The following ZBTB16 variants were observed in gnomAD, a reference collection of about 807,000 sequenced individuals.
The protein encoded by ZBTB16 is zinc finger and BTB domain-containing protein 16.
Under a neutral mutation model 56.8 loss-of-function variants are expected in ZBTB16, and 8 were observed. That is an observed-to-expected ratio of 0.14 (90% confidence interval 0.08 to 0.25). The LOEUF (loss-of-function observed/expected upper bound fraction) is 0.25. Ranked by LOEUF, ZBTB16 falls within the 10% of genes least tolerant of loss-of-function variation. The pLI, the probability that ZBTB16 is intolerant of heterozygous loss-of-function variation, is 1.00. For synonymous variants in ZBTB16, 363 were observed against 368.5 expected, an observed-to-expected ratio of 0.98 and a Z score of 0.17; for missense variants, 625 against 903.0, an observed-to-expected ratio of 0.69 and a Z score of 3.95.
intron 2 of ZBTB16, among the ~76,000 whole-genome samples, chr11:114,099,139 T>A (rs1354799737): frequency 6.6e-6 from 1 of 152,168 alleles, no homozygotes. Context: ...CAATGTTCTG[T>A]TTGTTAAAGC....
chr11:114,165,319 G>A (rs962055736), intron 3 of ZBTB16, among the ~76,000 whole-genome samples: 1 of 152,152 alleles, frequency 6.6e-6, no homozygotes, highest in African/African-American at 2.4e-5. Flanking sequence ...CAGGTCCCTG[G>A]ATGTTCCCCC....
chr11:114,080,152 G>T lies in ZBTB16; in HGVS notation c.1268+15584G>T, dbSNP rs77582924. Among the ~76,000 whole-genome samples, 1,145 of 152,240 alleles carry T rather than the reference G, an allele frequency of 7.5e-3. 11 individuals are homozygous for T. Among genetic ancestry groups the T allele is most frequent in the African/African-American group, 0.026 (1,074 of 41,534 alleles). ...TGGCCTGAGTTTGAATTCTGACTCT[G>T]CCTCTTTGGAAGGCTCTGGAAGGTT... is the stretch of plus-strand genomic sequence containing the variant. On this transcript the variant is annotated intron_variant, in intron 2 of 6. Transcript: ENST00000335953.
intron 2 of ZBTB16, among the ~76,000 whole-genome samples, chr11:114,094,553 A>G (rs989463643): frequency 1.8e-4 from 28 of 152,348 alleles, no homozygotes; most frequent in Admixed American, 1.8e-3. Flanking sequence ...GTGTGCAGGC[A>G]GTAGGAAGGA....
At chr11:114,213,640 A>G (rs1944038922) in intron 4 of ZBTB16, among the ~76,000 whole-genome samples, 2 of 152,360 alleles carry the variant, frequency 1.3e-5, no homozygotes, top group Admixed American at 6.5e-5. Context: ...TCCAAGATGA[A>G]CATTCCTGTG....
intron 4 of ZBTB16, chr11:114,189,236 A>G (rs1216619501): frequency 1.3e-5 from 2 of 152,240 alleles, no homozygotes; most frequent in African/African-American, 4.8e-5. Flanking sequence ...TTCAAAAAAC[A>G]TAAACAAATA....
intron 5 of ZBTB16, 27 bp from the exon 6 acceptor site, chr11:114,247,171 G>A (rs778779924): frequency 6.6e-5 from 107 of 1,614,086 alleles, no homozygotes; most frequent in Non-Finnish European, 8.4e-5. Context: ...AGAGGCAAAG[G>A]CCTGATCCAG....
intron 2 of ZBTB16, among the ~76,000 whole-genome samples, chr11:114,076,957 C>A (rs923070596): frequency 7.2e-5 from 11 of 152,148 alleles, no homozygotes; most frequent in Non-Finnish European, 1.2e-4. Context: ...TCCCCAGCAG[C>A]CAGATTCAAC....
At chr11:114,176,868 G>A (rs648181) in intron 3 of ZBTB16, among the ~76,000 whole-genome samples, 57,186 of 152,056 alleles carry the variant, frequency 0.38, 11,614 homozygotes, top group African/African-American at 0.53. Context: ...CCTTGAGCCA[G>A]TTATCTACCC....
At chr11:114,142,934 C>T (rs1941994902) in intron 2 of ZBTB16, among the ~76,000 whole-genome samples, 1 of 152,130 alleles carries the variant, frequency 6.6e-6, no homozygotes, top group Non-Finnish European at 1.5e-5. Context: ...TAGTAAAGGA[C>T]ATTTTTATGT....
At chr11:114,095,097 A>G (rs1940331355) in intron 2 of ZBTB16, among the ~76,000 whole-genome samples, 1 of 152,232 alleles carries the variant, frequency 6.6e-6, no homozygotes, top group African/African-American at 2.4e-5. Context: ...GACCAAGGCC[A>G]AGAAAAATAG....
At chr11:114,224,758 G>A (rs1419748469) in intron 4 of ZBTB16, among the ~76,000 whole-genome samples, 1 of 152,178 alleles carries the variant, frequency 6.6e-6, no homozygotes, top group Non-Finnish European at 1.5e-5. Context: ...GACACCAGAA[G>A]AGTGTGGTGT....
intron 2 of ZBTB16, among the ~76,000 whole-genome samples, chr11:114,071,818 C>T (rs1398371666): frequency 6.6e-6 from 1 of 152,176 alleles, no homozygotes; most frequent in African/African-American, 2.4e-5. Flanking sequence ...AAATTTGCTA[C>T]AACTCTTCCC....
intron 3 of ZBTB16, among the ~76,000 whole-genome samples, chr11:114,175,621 A>G (rs1591751903): frequency 2.6e-5 from 4 of 152,144 alleles, no homozygotes; most frequent in East Asian, 1.9e-4. Context: ...GACCCAAGCA[A>G]TGAAGGAATT....
At chr11:114,170,203 A>G (rs1296203886) in intron 3 of ZBTB16, among the ~76,000 whole-genome samples, 1 of 152,222 alleles carries the variant, frequency 6.6e-6, no homozygotes, top group Non-Finnish European at 1.5e-5. Context: ...ATAGGATTTG[A>G]TGGACTAAAA....
chr11:114,129,881 C>A (rs956206665), intron 2 of ZBTB16, among the ~76,000 whole-genome samples: 1 of 152,196 alleles, frequency 6.6e-6, no homozygotes, highest in South Asian at 2.1e-4. Context: ...TCCTGCGGCC[C>A]GCTTTCTATC....
At chr11:114,233,081 G>GCA (rs1198148768) in intron 4 of ZBTB16, among the ~76,000 whole-genome samples, 1,699 of 87,442 alleles carry the variant, frequency 0.019, 49 homozygotes, top group African/African-American at 0.028. Context: ...GCGCGCGCGC[G>GCA]CACACACACA....
chr11:114,149,643 A>T (rs1942235329), intron 2 of ZBTB16, among the ~76,000 whole-genome samples: 1 of 152,222 alleles, frequency 6.6e-6, no homozygotes, highest in Non-Finnish European at 1.5e-5. Context: ...ATTAATATTG[A>T]CTAGTCAGGG....
chr11:114,097,406 A>T (rs952614605), intron 2 of ZBTB16, among the ~76,000 whole-genome samples: 2 of 152,200 alleles, frequency 1.3e-5, no homozygotes, highest in Non-Finnish European at 1.5e-5. Flanking sequence ...CAACATCAGG[A>T]GTGTACTAAA....
At chr11:114,125,730 G>A (rs1366392935) in intron 2 of ZBTB16, among the ~76,000 whole-genome samples, 1 of 152,128 alleles carries the variant, frequency 6.6e-6, no homozygotes, top group Non-Finnish European at 1.5e-5. Flanking sequence ...GGTGCTGGCT[G>A]GAGGGGGTCC....
Sources: allele counts gnomAD v4.1 joint callset (sites outside exome capture counted in the v4.1 genomes callset), GRCh38; gene constraint gnomAD v4.1.1; transcripts MANE v1.5; gene names NCBI Gene and HGNC (gene_info 2026-07-23, HGNC 2026-07-21).